The following RAP1GAP variants were observed in gnomAD, a reference collection of about 807,000 sequenced individuals.
RAP1GAP encodes rap1 GTPase-activating protein 1.
In RAP1GAP, 35 loss-of-function variants were observed where a neutral mutation model predicts 87.2. The observed-to-expected ratio is 0.40, with a 90% CI of 0.31 to 0.53. The LOEUF (loss-of-function observed/expected upper bound fraction) is 0.53, where lower values mean the gene tolerates loss of function less well. RAP1GAP is among the 20% of genes least tolerant of loss of function. The pLI is 0.48. For missense variants in RAP1GAP, 734 were observed against 898.9 expected, an observed-to-expected ratio of 0.82 and a Z score of 2.35; for synonymous variants, 375 against 363.9, an observed-to-expected ratio of 1.03 and a Z score of -0.35.
chr1:21,613,686 T>C lies in RAP1GAP; in HGVS notation c.416A>G (p.His139Arg). 6.2e-7 allele frequency: 1 copy of C among 1,613,288 alleles called. No homozygotes were observed. The highest frequency in any genetic ancestry group is 8.5e-7 in the Non-Finnish European group (1 of 1,179,586). Residue 139 changes from histidine (H) to arginine (R), a missense_variant, in exon 9 of 25, where the codon CAT (histidine) becomes CGT (arginine). Transcript: ENST00000374765. This position sits in a 1 kb window ranked among gnomAD's most constrained non-coding sequence, Gnocchi z 4.7. ...LLLRTKCRTY[H>R]DVIPISCLTE... ...GAGGCAGGAGATGGGGATGACATCATGGTATGTCCGGCACTTGGTCCTGAG... is the reference window on the plus strand; with the variant it reads ...GAGGCAGGAGATGGGGATGACATCACGGTATGTCCGGCACTTGGTCCTGAG...
intron 2 of RAP1GAP, 135 bp from the exon 3 acceptor site, chr1:21,626,532 G>C: frequency 1.5e-6 from 1 of 683,700 alleles, no homozygotes; most frequent in East Asian, 2.7e-5. Context: ...GGTTCCCCAA[G>C]AGGAGGGAGA....
At chr1:21,645,280 A>G (rs10917031) in intron 2 of RAP1GAP, among the ~76,000 whole-genome samples, 25,846 of 151,926 alleles carry the variant, frequency 0.17, 2,272 homozygotes, top group East Asian at 0.24. Context: ...TCTGGTCCCA[A>G]ATGACCCCCA....
At chr1:21,641,612 A>T (rs948486588) in intron 2 of RAP1GAP, among the ~76,000 whole-genome samples, 5 of 152,216 alleles carry the variant, frequency 3.3e-5, no homozygotes, top group Non-Finnish European at 7.3e-5. Context: ...AGTACCTGGC[A>T]TGTGGTAGGA....
At chr1:21,626,479 G>C (rs1230734617) in intron 2 of RAP1GAP, 82 bp from the exon 3 acceptor site, 1 of 1,114,440 alleles carries the variant, frequency 9.0e-7, no homozygotes, top group Non-Finnish European at 1.4e-6. Flanking sequence ...CTCAGAGCTG[G>C]GGGATGTGAG....
chr1:21,608,117 C>A, intron 17 of RAP1GAP, 96 bp downstream of exon 17: 1 of 1,523,950 alleles, frequency 6.6e-7, no homozygotes, highest in South Asian at 1.3e-5. Flanking sequence ...CCAGACTCCA[C>A]CCCCACGCCG....
chr1:21,644,479 T>C (rs546628332), intron 2 of RAP1GAP, among the ~76,000 whole-genome samples: 2 of 152,188 alleles, frequency 1.3e-5, no homozygotes, highest in Non-Finnish European at 2.9e-5. Flanking sequence ...CATAACGGTC[T>C]TGCCTCACAG....
At position 21,617,895 on chromosome 1, in the gene RAP1GAP, G is replaced by C. The variant is rs1215826125; in HGVS notation, c.105+39C>G. The C allele has an allele frequency of 1.9e-6, 3 of 1,613,864 alleles. No individual in the cohort carries two copies. In the Admixed American group the frequency reaches 5.0e-5, roughly 27 times the overall value. The stretch of plus-strand genomic sequence containing the variant: ...AGAAGCCCTGTGTAAGTGCCTCCTG[G>C]GCTTGAGTAAGGGTGGGCGCGGGGT... On this transcript the variant is annotated intron_variant, in intron 6 of 24. Transcript: ENST00000374765.
chr1:21,612,039 T>G lies in RAP1GAP; in HGVS notation c.599A>C (p.Gln200Pro). Residue 200 changes from glutamine (Q) to proline (P), a missense_variant, in exon 11 of 25, where the codon CAG (glutamine) becomes CCG (proline). Around this residue, in one of 2 missense-constraint regions of RAP1GAP, gnomAD observed 485 missense variants for 646.2 expected, o/e 0.75. Transcript: ENST00000374765. ...AGGTGAGCACACCTGCCCAAGCTTC[T>G]GATAAATGACGCCAAACTTGAAGTT... ...SNNFKFGVIY[Q>P]KLGQTSEEEL... The G allele has an allele frequency of 6.4e-7, 1 of 1,554,304 alleles. No individual in the cohort carries two copies. Among genetic ancestry groups the G allele is most frequent in the South Asian group, 1.2e-5 (1 of 84,496 alleles).
At chr1:21,599,738 G>A (rs896576497) in intron 20 of RAP1GAP, 121 bp from the exon 21 acceptor site, 67 of 1,371,294 alleles carry the variant, frequency 4.9e-5, no homozygotes, top group Non-Finnish European at 6.2e-5. Flanking sequence ...CACCTTTGAG[G>A]ACCCCTTACA....
intron 18 of RAP1GAP, among the ~76,000 whole-genome samples, chr1:21,604,696 C>T (rs527740860): frequency 2.6e-5 from 4 of 152,014 alleles, no homozygotes; most frequent in African/African-American, 9.7e-5. Context: ...CAGCAGAGGT[C>T]GGGGAATTCC....
intron 1 of RAP1GAP, among the ~76,000 whole-genome samples, chr1:21,650,688 T>C (rs1244625075): frequency 2.0e-5 from 3 of 152,216 alleles, no homozygotes; most frequent in African/African-American, 7.2e-5. Flanking sequence ...AGCCAGGACT[T>C]GCCCAAGGTC....
Position 21,613,618 on chromosome 1 carries a change from G to A in RAP1GAP, c.474+10C>T. 2 of 1,608,336 alleles carry A rather than the reference G, an allele frequency of 1.2e-6. No homozygotes were observed. The highest frequency in any genetic ancestry group is 1.7e-6 in the Non-Finnish European group (2 of 1,174,808). ...CCAGCCCGGGAAGCTCAGCGGAGCG[G>A]AGACCTCACCTTTGCCATCTGGACA... is the stretch of plus-strand genomic sequence containing the variant. On this transcript the variant is annotated intron_variant, in intron 9 of 24. Coordinates refer to ENST00000374765, the MANE Select transcript of RAP1GAP (RefSeq NM_002885.4). This position sits in a 1 kb window ranked among gnomAD's most constrained non-coding sequence, Gnocchi z 4.7.
At chr1:21,614,698 G>A (rs937018365) in intron 7 of RAP1GAP, among the ~76,000 whole-genome samples, 1 of 152,166 alleles carries the variant, frequency 6.6e-6, no homozygotes, top group Non-Finnish European at 1.5e-5. Context: ...ATCAGGGGTG[G>A]CTGCGGCAGG....
chr1:21,661,922 G>A (rs957594367), intron 1 of RAP1GAP, among the ~76,000 whole-genome samples: 1 of 152,210 alleles, frequency 6.6e-6, no homozygotes, highest in Non-Finnish European at 1.5e-5. Flanking sequence ...GTGCATGGTG[G>A]GCAGAGAAGT....
Position 21,609,031 on chromosome 1 carries a change from T to A in RAP1GAP, c.1072-95A>T. The A allele has an allele frequency of 9.6e-7, 1 of 1,046,660 alleles. No homozygotes were observed. Among genetic ancestry groups the A allele is most frequent in the Non-Finnish European group, 1.5e-6 (1 of 671,650 alleles). The allele number at this position is 1,046,660 out of a possible 1,614,324, so 64.8% of individuals were successfully genotyped here. The stretch of plus-strand genomic sequence containing the variant: ...CCAACGAGGCAGAGGCTGCAGCTCC[T>A]GAACCATGCTCTGCTGGGGCCTGGG... On this transcript the variant is annotated intron_variant, in intron 15 of 24. Coordinates refer to ENST00000374765, the MANE Select transcript of RAP1GAP (RefSeq NM_002885.4). The surrounding 1 kb of genome is among the most constrained non-coding windows in gnomAD (Gnocchi z 4.4).
intron 18 of RAP1GAP, among the ~76,000 whole-genome samples, chr1:21,604,722 A>G (rs1430659416): frequency 6.6e-6 from 1 of 152,018 alleles, no homozygotes; most frequent in Non-Finnish European, 1.5e-5. Context: ...GCCACGTGAC[A>G]TAGCCTCACA....
At chr1:21,605,915 G>T in intron 18 of RAP1GAP, 151 bp downstream of exon 18, 2 of 1,031,788 alleles carry the variant, frequency 1.9e-6, no homozygotes, top group Non-Finnish European at 2.8e-6. Context: ...CCCCTCCCAT[G>T]GAAAGTAGTG....
chr1:21,656,210 A>G (rs1166853191), intron 1 of RAP1GAP, among the ~76,000 whole-genome samples: 1 of 152,104 alleles, frequency 6.6e-6, no homozygotes, highest in African/African-American at 2.4e-5. Flanking sequence ...AGGCAGGTGA[A>G]TCATGAGGTC....
intron 3 of RAP1GAP, among the ~76,000 whole-genome samples, chr1:21,623,272 G>A (rs925437304): frequency 1.1e-4 from 17 of 152,212 alleles, no homozygotes; most frequent in African/African-American, 3.9e-4. Context: ...GGCCTTGAGT[G>A]AGTCCCTGCC....
Sources: allele counts gnomAD v4.1 joint callset (sites outside exome capture counted in the v4.1 genomes callset), GRCh38; gene constraint gnomAD v4.1.1; regional missense constraint gnomAD v4.1.1; non-coding constraint Gnocchi (gnomAD v3.1); transcripts MANE v1.5; gene names NCBI Gene and HGNC (gene_info 2026-07-23, HGNC 2026-07-21).